Variants in NEMP1 observed in about 807,000 individuals in gnomAD.
NEMP1 encodes transmembrane protein 194.
NEMP1 carries 29 observed loss-of-function variants against 53.7 expected under a neutral mutation model. That is an observed-to-expected ratio of 0.54 (90% CI 0.40 to 0.74). NEMP1 has a LOEUF of 0.74. Among genes scored for constraint, NEMP1 ranks in the 30% least tolerant of loss-of-function variants. The pLI, the probability that NEMP1 is intolerant of heterozygous loss-of-function variation, is 0.00. For synonymous variants in NEMP1, 193 were observed against 192.9 expected (o/e 1.00, Z 0.00); for missense variants, 477 against 528.6 (o/e 0.90, Z 0.96).
chr12:57,074,965 C>T (rs898368056), intron 1 of NEMP1, among the ~76,000 whole-genome samples: 1 of 152,106 alleles, frequency 6.6e-6, no homozygotes, highest in African/African-American at 2.4e-5. Context: ...TGGCGGGCAC[C>T]TGTAATCGCA....
chr12:57,082,701 G>C, upstream of NEMP1, among the ~76,000 whole-genome samples: 1 of 152,116 alleles, frequency 6.6e-6, no homozygotes, highest in Non-Finnish European at 1.5e-5. Flanking sequence ...GACAGAGTAA[G>C]ACCTTGTTGC....
chr12:57,070,991 A>G, intron 2 of NEMP1, 98 bp from the exon 3 acceptor site: 2 of 906,162 alleles, frequency 2.2e-6, no homozygotes, highest in Non-Finnish European at 1.7e-6. Flanking sequence ...TAACAACCAA[A>G]TCAGTAATGG....
At chr12:57,075,497 T>TATCA (rs1245274055) in intron 1 of NEMP1, among the ~76,000 whole-genome samples, 9 of 129,964 alleles carry the variant, frequency 6.9e-5, no homozygotes, top group Admixed American at 4.0e-4. Flanking sequence ...TCCATCTCAA[T>TATCA]ATCAATAAAT....
intron 1 of NEMP1, among the ~76,000 whole-genome samples, chr12:57,077,139 T>C (rs1417892757): frequency 6.6e-6 from 1 of 151,828 alleles, no homozygotes; most frequent in Admixed American, 6.6e-5. Flanking sequence ...AAGACCATCC[T>C]GGCTAACACG....
chr12:57,062,351 C>A (rs571761420), intron 7 of NEMP1, among the ~76,000 whole-genome samples: 2 of 151,982 alleles, frequency 1.3e-5, no homozygotes, highest in Admixed American at 1.3e-4. Flanking sequence ...ATAGTGGCGC[C>A]CACCCGTAGT....
At chr12:57,071,164 CT>C (rs2032327908) in intron 2 of NEMP1, among the ~76,000 whole-genome samples, 1 of 152,190 alleles carries the variant, frequency 6.6e-6, no homozygotes, top group Non-Finnish European at 1.5e-5. Context: ...GGAAAAAAGA[CT>C]TCCAAACTGA....
At chr12:57,069,385 C>T (rs2032243660) in intron 3 of NEMP1, 79 bp from the exon 4 acceptor site, 1 of 905,898 alleles carries the variant, frequency 1.1e-6, no homozygotes, top group African/African-American at 1.7e-5. Flanking sequence ...AACGTTGGCA[C>T]TATTGGTCAG....
chr12:57,059,672 T>G lies in NEMP1; in HGVS notation c.*207A>C. On this transcript the variant is annotated 3_prime_UTR_variant, in exon 9 of 9. Transcript: ENST00000300128. The stretch of plus-strand genomic sequence containing the variant: ...CCAATGGGAAGTGAACTACCCAGCA[T>G]TCACTACTTTATCCACTCTCCTTCC... 2.0e-6 allele frequency: 1 copy of G among 503,790 alleles called. No individual in the cohort carries two copies. Among genetic ancestry groups the G allele is most frequent in the Middle Eastern group, 5.2e-4 (1 of 1,922 alleles). 31.2% of individuals were successfully genotyped at this position (503,790 alleles called of 1,614,324 possible). A position where few individuals can be genotyped will look rare whatever the true frequency, so the allele number is the denominator to read the frequency against.
intron 3 of NEMP1, among the ~76,000 whole-genome samples, chr12:57,069,687 GA>G (rs2032258179): frequency 3.3e-5 from 5 of 151,816 alleles, no homozygotes; most frequent in Admixed American, 3.3e-4. Context: ...GATTTGCCCA[GA>G]ACTGTGGGTC....
intron 1 of NEMP1, among the ~76,000 whole-genome samples, chr12:57,076,085 C>A (rs959115572): frequency 4.0e-5 from 6 of 151,840 alleles, no homozygotes; most frequent in Non-Finnish European, 7.4e-5. Context: ...AAGACTCCAT[C>A]TCAAAAAAAT....
At chr12:57,067,810 C>G (rs1310173057) in intron 4 of NEMP1, among the ~76,000 whole-genome samples, 1 of 152,170 alleles carries the variant, frequency 6.6e-6, no homozygotes, top group African/African-American at 2.4e-5. Flanking sequence ...TATTTTGTCA[C>G]CCAGGCTGGA....
rs2136476155 is a variant in NEMP1 at position 57,058,550 on chromosome 12, C to A, written c.*1329G>T. The stretch of plus-strand genomic sequence containing the variant: ...TTGCTGGTTTATAAGGGGTACTTTG[C>A]AATGGCAAAAGAATCTGAAACTAAT... On this transcript the variant is annotated 3_prime_UTR_variant, in exon 9 of 9. Coordinates refer to ENST00000300128, the MANE Select transcript of NEMP1 (RefSeq NM_001130963.2). 1 of 152,346 alleles carries A rather than the reference C, an allele frequency of 6.6e-6. No individual in the cohort carries two copies. Among genetic ancestry groups the A allele is most frequent in the Middle Eastern group, 3.4e-3 (1 of 294 alleles). The allele number at this position is 152,346 out of a possible 1,614,324, so 9.4% of individuals were successfully genotyped here. A position where few individuals can be genotyped will look rare whatever the true frequency, so the allele number is the denominator to read the frequency against.
intron 1 of NEMP1, among the ~76,000 whole-genome samples, chr12:57,078,200 G>A (rs565991529): frequency 7.9e-5 from 12 of 152,278 alleles, no homozygotes; most frequent in African/African-American, 2.9e-4. Flanking sequence ...CAGAGCATAC[G>A]CTCAGATGGT....
chr12:57,066,623 G>A (rs979332860), intron 4 of NEMP1, among the ~76,000 whole-genome samples: 3 of 152,172 alleles, frequency 2.0e-5, no homozygotes, highest in Non-Finnish European at 2.9e-5. Flanking sequence ...GAAGGGAGAC[G>A]GGAATAACCA....
intron 1 of NEMP1, among the ~76,000 whole-genome samples, chr12:57,074,292 AT>A (rs71084728): frequency 0.19 from 24,838 of 128,622 alleles, 2,653 homozygotes; most frequent in African/African-American, 0.34. Flanking sequence ...CCCAGCCAGC[AT>A]TTTTTTTTTT....
At position 57,060,888 on chromosome 12, in the gene NEMP1, T is replaced by C; in HGVS notation, c.1038A>G (p.Glu346=). Residue 346 remains glutamate, a synonymous_variant, in exon 8 of 9, where the codon GAA becomes GAG. Transcript: ENST00000300128. ...PVPPRLLTEE[E]YRIQGEVETR... ...TTTCTACCTCTCCTTGTATCCGATA[T>C]TCTTCTTCTGTCAGGAGACGAGGGG... 6.2e-7 allele frequency: 1 copy of C among 1,614,194 alleles called. No individual in the cohort carries two copies. The highest frequency in any genetic ancestry group is 8.5e-7 in the Non-Finnish European group (1 of 1,180,014).
chr12:57,063,168 A>G lies in NEMP1; in HGVS notation c.931T>C (p.Cys311Arg), dbSNP rs752836060. ...IALAIIIIAL[C>R]TKNLEHPIQW... is the part of the protein sequence containing the mutation. ...ATAGGGTGTTCCAGGTTCTTAGTAC[A>G]AAGAGCAATGATGATAATGGCAAGG... The change falls in exon 7 of 9, where the codon TGT becomes CGT. Residue 311 changes from cysteine (C) to arginine (R), a missense_variant. Coordinates refer to ENST00000300128, the MANE Select transcript of NEMP1 (RefSeq NM_001130963.2). 2 of 1,614,072 alleles carry G rather than the reference A, an allele frequency of 1.2e-6. No individual in the cohort carries two copies. The highest frequency in any genetic ancestry group is 1.7e-5 in the Admixed American group (1 of 60,004).
intron 5 of NEMP1, 35 bp downstream of exon 5, chr12:57,064,611 T>C: frequency 6.6e-7 from 1 of 1,518,518 alleles, no homozygotes; most frequent in Non-Finnish European, 9.0e-7. Context: ...CTATCCAAAT[T>C]CATTCTAGCT....
chr12:57,061,835 A>G (rs2031824687), intron 7 of NEMP1, among the ~76,000 whole-genome samples: 1 of 151,768 alleles, frequency 6.6e-6, no homozygotes, highest in Non-Finnish European at 1.5e-5. Context: ...CATCTCTACT[A>G]TAAAAATGCA....
Sources: gnomAD v4.1 joint callset for allele counts (sites outside exome capture counted in the v4.1 genomes callset) on GRCh38, gnomAD v4.1.1 for gene constraint, MANE v1.5 for transcripts, NCBI Gene and HGNC (gene_info 2026-07-23, HGNC 2026-07-21) for gene names.